Variants in WDFY4 observed in about 807,000 individuals in gnomAD.
The protein encoded by WDFY4 is WD repeat- and FYVE domain-containing protein 4.
WDFY4 carries 169 observed loss-of-function variants against 351.9 expected under a neutral mutation model. The observed-to-expected ratio is 0.48, with a 90% CI of 0.42 to 0.55. The LOEUF is 0.55. WDFY4 is among the 20% of genes least tolerant of loss of function. WDFY4 has a pLI of 0.00. For missense variants in WDFY4, 3,803 were observed against 3,935.6 expected (o/e 0.97, Z 0.90); for synonymous variants, 1,622 against 1,574.6 (o/e 1.03, Z -0.71).
chr10:48,933,140 G>A (rs1188388448), intron 47 of WDFY4, among the ~76,000 whole-genome samples: 1 of 152,198 alleles, frequency 6.6e-6, no homozygotes. Flanking sequence ...TCCAGGCTCT[G>A]TGGTGGAAGC....
At chr10:48,693,545 C>T (rs1384514557) in intron 1 of WDFY4, among the ~76,000 whole-genome samples, 1 of 152,194 alleles carries the variant, frequency 6.6e-6, no homozygotes, top group Non-Finnish European at 1.5e-5. Context: ...GTGGGAGACT[C>T]ATTCTGGTTA....
At chr10:48,827,879 T>G (rs1488740211) in intron 36 of WDFY4, among the ~76,000 whole-genome samples, 2 of 137,140 alleles carry the variant, frequency 1.5e-5, no homozygotes, top group African/African-American at 6.3e-5. Flanking sequence ...GTATGTGGTT[T>G]AATTTGGGGA....
At chr10:48,908,474 T>G (rs1394710992) in intron 47 of WDFY4, among the ~76,000 whole-genome samples, 3 of 152,212 alleles carry the variant, frequency 2.0e-5, no homozygotes, top group Non-Finnish European at 2.9e-5. Flanking sequence ...GAGCCGAGGT[T>G]AAGGTGCCTG....
intron 4 of WDFY4, among the ~76,000 whole-genome samples, chr10:48,722,124 G>A (rs1334517166): frequency 6.6e-6 from 1 of 152,212 alleles, no homozygotes; most frequent in African/African-American, 2.4e-5. Flanking sequence ...TTGCAGCCGT[G>A]CTTGGAAGGG....
At chr10:48,715,459 T>G (rs994867072) in intron 2 of WDFY4, among the ~76,000 whole-genome samples, 8 of 152,342 alleles carry the variant, frequency 5.3e-5, no homozygotes, top group African/African-American at 1.9e-4. Context: ...TGTTTGTGTG[T>G]GTGCATATGT....
rs2064460939 is a variant in WDFY4 at position 48,731,553 on chromosome 10, A to C, written c.1573A>C (p.Arg525=). The change falls in exon 9 of 62, where the codon AGG becomes CGG. Residue 525 remains arginine, a synonymous_variant. Transcript: ENST00000325239. ...GCTTCGGAAGCAAGCCAAGATCATG[A>C]GGAAGTCAGGTGCCACTGGGTGCAT... ...AQLRKQAKIM[R]KSGNKVSTPG... 2 of 1,550,356 alleles carry C rather than the reference A, an allele frequency of 1.3e-6. No individual in the cohort carries two copies. The highest frequency in any genetic ancestry group is 1.7e-4 in the Middle Eastern group (1 of 5,992).
intron 47 of WDFY4, among the ~76,000 whole-genome samples, chr10:48,911,896 G>A (rs1382415459): frequency 3.9e-5 from 6 of 152,210 alleles, no homozygotes; most frequent in Admixed American, 3.3e-4. Flanking sequence ...AGCATTACAA[G>A]AGGAAGTAAG....
intron 5 of WDFY4, among the ~76,000 whole-genome samples, chr10:48,724,121 C>T (rs559007384): frequency 1.3e-5 from 2 of 152,306 alleles, no homozygotes; most frequent in Admixed American, 1.3e-4. Context: ...GCAGTTTCTG[C>T]TTTCTCACCT....
chr10:48,735,005 G>A (rs921847572), intron 10 of WDFY4, among the ~76,000 whole-genome samples: 2 of 147,156 alleles, frequency 1.4e-5, no homozygotes, highest in Non-Finnish European at 3.0e-5. Context: ...TGACCAGGCT[G>A]GTCTCAAACT....
rs1589899044 is a variant in WDFY4, at chr10:48,922,318, T to C, written c.7587-19488T>C. Reference sequence around the variant, plus strand: ...TCACTCTGTAAATGCTAGCTGCCTGTTCGTCACTTAGTAGCTGTCCTAGTA... The same window carrying C: ...TCACTCTGTAAATGCTAGCTGCCTGCTCGTCACTTAGTAGCTGTCCTAGTA... On this transcript the variant is annotated intron_variant, in intron 47 of 61. Transcript: ENST00000325239. 2.0e-5 allele frequency among the ~76,000 whole-genome samples: 3 copies of C among 152,358 alleles called. No homozygotes were observed. In the East Asian group the frequency reaches 5.8e-4, roughly 29 times the overall value.
At chr10:48,952,611 T>C (rs949096183) in intron 51 of WDFY4, among the ~76,000 whole-genome samples, 3 of 152,140 alleles carry the variant, frequency 2.0e-5, no homozygotes, top group Admixed American at 2.0e-4. Context: ...TGGTGAGGAC[T>C]AAAGGAGATA....
intron 1 of WDFY4, among the ~76,000 whole-genome samples, chr10:48,707,937 C>A (rs1012072154): frequency 1.3e-5 from 2 of 152,004 alleles, no homozygotes; most frequent in African/African-American, 4.8e-5. Flanking sequence ...AGTTAGCCCC[C>A]CAAAAGAAAC....
At chr10:48,939,755 G>A (rs75866494) in intron 47 of WDFY4, among the ~76,000 whole-genome samples, 6 of 152,176 alleles carry the variant, frequency 3.9e-5, no homozygotes, top group Non-Finnish European at 8.8e-5. Context: ...CCTTTGGTTA[G>A]GTGTCCTGGA....
chr10:48,867,390 C>T (rs1366870503), intron 40 of WDFY4, 48 bp downstream of exon 40: 3 of 1,237,790 alleles, frequency 2.4e-6, no homozygotes, highest in Admixed American at 3.1e-5. Flanking sequence ...CTGGAATCCA[C>T]CTTGAACCTG....
intron 45 of WDFY4, among the ~76,000 whole-genome samples, chr10:48,898,308 A>T (rs1837190775): frequency 6.6e-6 from 1 of 152,222 alleles, no homozygotes; most frequent in East Asian, 1.9e-4. Context: ...GACATCAAAC[A>T]CATGTTGCCT....
chr10:48,714,171 T>C (rs2063836804), intron 2 of WDFY4, among the ~76,000 whole-genome samples: 1 of 152,220 alleles, frequency 6.6e-6, no homozygotes, highest in African/African-American at 2.4e-5. Context: ...TAGCAGAATG[T>C]CACCAGGGCA....
intron 2 of WDFY4, among the ~76,000 whole-genome samples, chr10:48,713,696 G>A (rs1397844609): frequency 6.6e-6 from 1 of 152,232 alleles, no homozygotes; most frequent in Non-Finnish European, 1.5e-5. Context: ...CTCACCTAGG[G>A]TTCCTCACTC....
At chr10:48,763,969 A>G (rs1589548144) in intron 13 of WDFY4, among the ~76,000 whole-genome samples, 1 of 152,252 alleles carries the variant, frequency 6.6e-6, no homozygotes, top group South Asian at 2.1e-4. Flanking sequence ...AGGCCTCCGC[A>G]GGTTTTGGTG....
intron 23 of WDFY4, among the ~76,000 whole-genome samples, chr10:48,793,318 A>T (rs1228646660): frequency 1.3e-5 from 2 of 152,210 alleles, no homozygotes; most frequent in Non-Finnish European, 2.9e-5. Context: ...TTTATTGTAC[A>T]CTTACACATG....
Sources: gnomAD v4.1 joint callset for allele counts (sites outside exome capture counted in the v4.1 genomes callset) on GRCh38, gnomAD v4.1.1 for gene constraint, MANE v1.5 for transcripts, NCBI Gene and HGNC (gene_info 2026-07-23, HGNC 2026-07-21) for gene names.